The following CLNK variants were observed in gnomAD, a reference collection of about 807,000 sequenced individuals.
The protein encoded by CLNK is cytokine-dependent hematopoietic cell linker.
A neutral mutation model predicts 68.6 loss-of-function variants in CLNK; 74 were observed. That is an observed-to-expected ratio of 1.08 (90% CI 0.89 to 1.31). The LOEUF (loss-of-function observed/expected upper bound fraction) is 1.31, where lower values mean the gene tolerates loss of function less well. CLNK is among the 50% of genes most tolerant of loss of function. The pLI is 0.00. For missense variants in CLNK, 553 were observed against 515.3 expected (o/e 1.07, Z -0.71); for synonymous variants, 198 against 172.2 (o/e 1.15, Z -1.17).
At chr4:10,527,685 T>C (rs1456461427) in intron 13 of CLNK, among the ~76,000 whole-genome samples, 3 of 152,132 alleles carry the variant, frequency 2.0e-5, no homozygotes, top group African/African-American at 4.8e-5. Flanking sequence ...CGTGTGTACA[T>C]GTATGTGTGT....
At chr4:10,520,336 G>A (rs1383507790) in intron 15 of CLNK, among the ~76,000 whole-genome samples, 2 of 152,086 alleles carry the variant, frequency 1.3e-5, no homozygotes, top group Admixed American at 1.3e-4. Flanking sequence ...AGACAAATTT[G>A]TTTTGCACCC....
At chr4:10,691,389 A>G in the CLNK span, among the ~76,000 whole-genome samples, 1 of 152,148 alleles carries the variant, frequency 6.6e-6, no homozygotes, top group Non-Finnish European at 1.5e-5. Flanking sequence ...CACATTTTCA[A>G]ATGAGAAGGT....
At position 10,488,528 on chromosome 4, in the gene CLNK, A is replaced by G. The variant is rs1275651532; in HGVS notation, c.*1939T>C. On this transcript the variant is annotated 3_prime_UTR_variant, in exon 19 of 19. Coordinates refer to ENST00000226951, the MANE Select transcript of CLNK (RefSeq NM_052964.4). ...TACAGCTTTTAGCTTTGACCGGACC[A>G]GTGAGTTCTTTCGTATCCAAGCTCC... The G allele has an allele frequency of 6.6e-6, 1 of 152,290 alleles. No individual in the cohort carries two copies. The highest frequency in any genetic ancestry group is 1.5e-5 in the Non-Finnish European group (1 of 68,068). The allele number at this position is 152,290 out of a possible 1,614,324, so 9.4% of individuals were successfully genotyped here.
At chr4:10,714,661 T>C in the CLNK span, among the ~76,000 whole-genome samples, 1 of 150,622 alleles carries the variant, frequency 6.6e-6, no homozygotes, top group Non-Finnish European at 1.5e-5. Context: ...ATCTAAAATA[T>C]CTTAGATAAT....
At chr4:10,568,420 A>G (rs757837261) in intron 5 of CLNK, among the ~76,000 whole-genome samples, 2 of 152,162 alleles carry the variant, frequency 1.3e-5, no homozygotes, top group Non-Finnish European at 2.9e-5. Flanking sequence ...ATAAAAATAT[A>G]TTGATTGGAG....
chr4:10,574,450 A>AAT (rs746468292), intron 4 of CLNK, among the ~76,000 whole-genome samples: 27 of 152,214 alleles, frequency 1.8e-4, no homozygotes, highest in Middle Eastern at 3.4e-3. Context: ...TATCTCATCC[A>AAT]ATCAGGGCCC....
intron 1 of CLNK, among the ~76,000 whole-genome samples, chr4:10,669,769 G>C (rs1458289308): frequency 6.6e-6 from 1 of 151,964 alleles, no homozygotes; most frequent in Non-Finnish European, 1.5e-5. Flanking sequence ...TCATCCCCTC[G>C]TCTTATGCTT....
Position 10,592,697 on chromosome 4 carries a change from T to G in CLNK, c.83+5281A>C, listed in dbSNP as rs975656949. Reference sequence around the variant, plus strand: ...TGTTTCTTGAGCATCTACTTGTTGTTTGTTTGTTTGTTTGTTTGTTTATTT... The same window carrying G: ...TGTTTCTTGAGCATCTACTTGTTGTGTGTTTGTTTGTTTGTTTGTTTATTT... On this transcript the variant is annotated intron_variant, in intron 3 of 18. Transcript: ENST00000226951. Among the ~76,000 whole-genome samples, 9 of 139,742 alleles carry G rather than the reference T, an allele frequency of 6.4e-5. No homozygotes were observed. The East Asian group carries it at 8.8e-4, about 14-fold the overall frequency. The allele number at this position is 139,742 out of a possible 152,430, so 91.7% of individuals were successfully genotyped here.
At chr4:10,663,637 C>T (rs891739063) in intron 2 of CLNK, among the ~76,000 whole-genome samples, 3 of 152,146 alleles carry the variant, frequency 2.0e-5, no homozygotes, top group African/African-American at 7.2e-5. Context: ...TTCACATACA[C>T]ATGTACATAT....
At chr4:10,719,711 A>G in the CLNK span, among the ~76,000 whole-genome samples, 1 of 152,322 alleles carries the variant, frequency 6.6e-6, no homozygotes, top group South Asian at 2.1e-4. Context: ...AAAACCATCA[A>G]CCGTAGCATC....
chr4:10,595,221 A>G (rs1016396320), intron 3 of CLNK, among the ~76,000 whole-genome samples: 7 of 152,202 alleles, frequency 4.6e-5, no homozygotes, highest in Admixed American at 4.6e-4. Flanking sequence ...CCTCCCTCAG[A>G]CTATTTTTCC....
chr4:10,635,636 T>G (rs894040114), intron 2 of CLNK: 1 of 152,222 alleles, frequency 6.6e-6, no homozygotes, highest in African/African-American at 2.4e-5. Context: ...TCTTTGCATA[T>G]TGCTCTGTAT....
At chr4:10,575,041 C>G (rs1720507636) in intron 4 of CLNK, among the ~76,000 whole-genome samples, 1 of 152,176 alleles carries the variant, frequency 6.6e-6, no homozygotes, top group Non-Finnish European at 1.5e-5. Flanking sequence ...CCTTCTTTAA[C>G]TCGGTGTCTG....
At chr4:10,632,715 A>C (rs1722938976) in intron 2 of CLNK, among the ~76,000 whole-genome samples, 1 of 152,254 alleles carries the variant, frequency 6.6e-6, no homozygotes, top group African/African-American at 2.4e-5. Flanking sequence ...TATTGAAAAG[A>C]TCATGCCACA....
At chr4:10,496,814 GGTTTA>G (rs1444599547) in intron 18 of CLNK, among the ~76,000 whole-genome samples, 1 of 152,132 alleles carries the variant, frequency 6.6e-6, no homozygotes, top group East Asian at 1.9e-4. Flanking sequence ...TCATCCTCTT[GGTTTA>G]CATAGGGCGA....
chr4:10,574,649 A>C (rs971178034), intron 4 of CLNK, among the ~76,000 whole-genome samples: 8 of 152,048 alleles, frequency 5.3e-5, no homozygotes, highest in African/African-American at 1.9e-4. Context: ...CACCCCTCAT[A>C]TTGTCTTATG....
intron 2 of CLNK, among the ~76,000 whole-genome samples, chr4:10,634,988 T>C (rs1355893087): frequency 6.6e-6 from 1 of 152,134 alleles, no homozygotes; most frequent in African/African-American, 2.4e-5. Flanking sequence ...GTGTAGGGCT[T>C]TTCCCATTAT....
intron 8 of CLNK, among the ~76,000 whole-genome samples, chr4:10,551,405 C>T (rs1194593088): frequency 6.8e-6 from 1 of 146,666 alleles, no homozygotes; most frequent in Non-Finnish European, 1.5e-5. Context: ...CCACCATGCC[C>T]GGCTAATTTT....
Position 10,489,267 on chromosome 4 carries a change from C to T in CLNK, c.*1200G>A, listed in dbSNP as rs1296320010. The T allele has an allele frequency of 1.3e-5, 2 of 152,182 alleles. No homozygotes were observed. Among genetic ancestry groups the T allele is most frequent in the African/African-American group, 4.8e-5 (2 of 41,438 alleles). 9.4% of individuals were successfully genotyped at this position (152,182 alleles called of 1,614,324 possible). A position where few individuals can be genotyped will look rare whatever the true frequency, so the allele number is the denominator to read the frequency against. On this transcript the variant is annotated 3_prime_UTR_variant, in exon 19 of 19. Coordinates refer to ENST00000226951, the MANE Select transcript of CLNK (RefSeq NM_052964.4). ...TAAAACAATAATAAAATTAAATCCT[C>T]TTAACCTCTACAGGGAATAATATCA...
Sources: allele counts gnomAD v4.1 joint callset (sites outside exome capture counted in the v4.1 genomes callset), GRCh38; gene constraint gnomAD v4.1.1; transcripts MANE v1.5; gene names NCBI Gene and HGNC (gene_info 2026-07-23, HGNC 2026-07-21).